OVCH1: variants seen among roughly 807,000 people sequenced by gnomAD.
OVCH1 encodes the protein ovochymase 1, also known as ovochymase-1.
Under a neutral mutation model 138.4 loss-of-function variants are expected in OVCH1, and 139 were observed. The observed-to-expected ratio is 1.00, with a 90% confidence interval of 0.87 to 1.16. OVCH1 has a LOEUF of 1.16. Ranked by LOEUF, OVCH1 falls within the 50% of genes most tolerant of loss-of-function variation. The pLI, the probability that OVCH1 is intolerant of heterozygous loss-of-function variation, is 0.00. For synonymous variants in OVCH1, 453 were observed against 467.8 expected, an observed-to-expected ratio of 0.97 and a Z score of 0.41; for missense variants, 1,367 against 1,357.9, an observed-to-expected ratio of 1.01 and a Z score of -0.11.
At chr12:29,440,774 A>G (rs1362432709) in intron 25 of OVCH1, 30 bp from the exon 26 acceptor site, 1 of 455,768 alleles carries the variant, frequency 2.2e-6, no homozygotes. Context: ...TTCTTAATGC[A>G]CTTACTTCTA....
chr12:29,486,151 A>G, intron 8 of OVCH1, 99 bp downstream of exon 8: 1 of 1,195,780 alleles, frequency 8.4e-7, no homozygotes, highest in Non-Finnish European at 1.2e-6. Flanking sequence ...AAAAATTTAA[A>G]TAAAACTCAG....
At chr12:29,413,671 C>CACACAG (rs1555140328) in intron 3 of OVCH1, among the ~76,000 whole-genome samples, 1 of 121,318 alleles carries the variant, frequency 8.2e-6, no homozygotes, top group Non-Finnish European at 1.8e-5. Flanking sequence ...TACACACATA[C>CACACAG]ACACACACAC....
Position 29,496,287 on chromosome 12 carries a change from G to T in OVCH1, c.184-9C>A, listed in dbSNP as rs927144782. ...TCTGATTTTAGGGAGACCTACCCAA[G>T]AAGAAAGTTACAAATGCAGCTAATA... On this transcript the variant is annotated splice_polypyrimidine_tract_variant and intron_variant, in intron 2 of 27. Coordinates refer to ENST00000318184, the Ensembl canonical transcript of OVCH1. 5 of 1,586,850 alleles carry T rather than the reference G, an allele frequency of 3.2e-6. No individual in the cohort carries two copies. In the African/African-American group the frequency reaches 6.7e-5, roughly 21 times the overall value.
At chr12:29,475,552 G>A (rs551342808) in intron 13 of OVCH1, among the ~76,000 whole-genome samples, 1 of 151,950 alleles carries the variant, frequency 6.6e-6, no homozygotes, top group East Asian at 1.9e-4. Context: ...GGTAACACTC[G>A]AAGTCACTTT....
intron 25 of OVCH1, 90 bp from the exon 26 acceptor site, chr12:29,440,834 G>A (rs1941466181): frequency 2.3e-6 from 1 of 431,198 alleles, no homozygotes; most frequent in African/African-American, 2.0e-5. Context: ...TTTAGCAATT[G>A]GATTTTTTAC....
At chr12:29,411,335 A>G (rs1347478874), downstream of OVCH1, among the ~76,000 whole-genome samples, 4 of 150,650 alleles carry the variant, frequency 2.7e-5, no homozygotes, top group African/African-American at 9.7e-5. Flanking sequence ...GCTTCGTTCC[A>G]TTGCTGGTGA....
intron 19 of OVCH1, among the ~76,000 whole-genome samples, chr12:29,459,607 G>C (rs1318137131): frequency 2.6e-5 from 4 of 152,046 alleles, no homozygotes; most frequent in Admixed American, 2.6e-4. Flanking sequence ...ATTTAATTCT[G>C]CATTTAAAAA....
At chr12:29,466,761 A>G (rs1436013509) in intron 16 of OVCH1, among the ~76,000 whole-genome samples, 1 of 152,114 alleles carries the variant, frequency 6.6e-6, no homozygotes, top group East Asian at 1.9e-4. Context: ...ATATCCATTA[A>G]TTTCTCGTAT....
rs1246043451 is a variant in OVCH1, at chr12:29,439,254, TTC to T, written c.3264+72_3264+73del. 7 of 1,285,750 alleles carry T rather than the reference TTC, an allele frequency of 5.4e-6. No individual in the cohort carries two copies. In the African/African-American group the frequency reaches 6.1e-5, roughly 11 times the overall value. The allele number at this position is 1,285,750 out of a possible 1,614,324, so 79.6% of individuals were successfully genotyped here. On this transcript the variant is annotated intron_variant, in intron 26 of 27. Coordinates refer to ENST00000318184, the Ensembl canonical transcript of OVCH1. ...AAGTCCTTTTCCTTTATTTTGTCACTTCTCTTATTTATTGTTCTTTTTGTTAA... is the reference window on the plus strand; with the variant it reads ...AAGTCCTTTTCCTTTATTTTGTCACTTCTTATTTATTGTTCTTTTTGTTAA...
Position 29,490,941 on chromosome 12 carries a change from C to A in OVCH1, c.550+156G>T, listed in dbSNP as rs537924350. Among the ~76,000 whole-genome samples the A allele has an allele frequency of 2.6e-5, 4 of 152,284 alleles. No homozygotes were observed. The South Asian group carries it at 6.2e-4, about 24-fold the overall frequency. ...TGAATAGCCTTTTTAAAAGTATAAG[C>A]CTTTCAATGCTGAGGACTACCAGAA... On this transcript the variant is annotated intron_variant, in intron 5 of 27. Transcript: ENST00000318184.
intron 8 of OVCH1, among the ~76,000 whole-genome samples, chr12:29,483,207 G>C (rs565864413): frequency 6.6e-6 from 1 of 152,130 alleles, no homozygotes; most frequent in East Asian, 1.9e-4. Flanking sequence ...GACAAATTCT[G>C]GCTTATCAAT....
intron 21 of OVCH1, among the ~76,000 whole-genome samples, chr12:29,454,618 C>A (rs1161464412): frequency 6.6e-6 from 1 of 152,086 alleles, no homozygotes; most frequent in African/African-American, 2.4e-5. Flanking sequence ...TGGTTCACAA[C>A]CACAAGATTT....
chr12:29,470,468 GT>G (rs1489064989), intron 16 of OVCH1, among the ~76,000 whole-genome samples: 1 of 152,066 alleles, frequency 6.6e-6, no homozygotes, highest in Non-Finnish European at 1.5e-5. Flanking sequence ...AACATGCATT[GT>G]TTGGTTTTCT....
intron 22 of OVCH1, among the ~76,000 whole-genome samples, chr12:29,450,439 A>C (rs1306400497): frequency 1.3e-5 from 2 of 152,228 alleles, no homozygotes; most frequent in African/African-American, 2.4e-5. Flanking sequence ...TAGTCATTAG[A>C]GAAATGCAAA....
At chr12:29,486,901 C>G (rs1449391526) in intron 7 of OVCH1, 2 of 455,584 alleles carry the variant, frequency 4.4e-6, no homozygotes, top group African/African-American at 4.0e-5. Flanking sequence ...CAAAATGGAA[C>G]ACAATTGCTA....
At chr12:29,491,295 C>A in intron 4 of OVCH1, 103 bp from the exon 5 acceptor site, 2 of 960,402 alleles carry the variant, frequency 2.1e-6, no homozygotes, top group Admixed American at 2.5e-5. Context: ...CACTTTCTTC[C>A]TAAATGTAAT....
rs546675805 is a variant in OVCH1, at chr12:29,491,711, AGTAACT to A, written c.455-525_455-520del. Reference sequence around the variant, plus strand: ...TATCCAAATCTTTAGAAAAAAGCCCAGTAACTCCAACTATGATGCAAAAAATAATTT... The same window carrying A: ...TATCCAAATCTTTAGAAAAAAGCCCACCAACTATGATGCAAAAAATAATTT... On this transcript the variant is annotated intron_variant, in intron 4 of 27. Coordinates refer to ENST00000318184, the Ensembl canonical transcript of OVCH1. 2.6e-3 allele frequency among the ~76,000 whole-genome samples: 398 copies of A among 152,346 alleles called. 9 individuals carry two copies. Among genetic ancestry groups the A allele is most frequent in the Middle Eastern group, 6.8e-3 (2 of 294 alleles).
At chr12:29,454,203 A>G in intron 21 of OVCH1, among the ~76,000 whole-genome samples, 1 of 152,036 alleles carries the variant, frequency 6.6e-6, no homozygotes, top group Non-Finnish European at 1.5e-5. Context: ...CTTCTACTCA[A>G]AGTCATCACT....
intron 27 of OVCH1, among the ~76,000 whole-genome samples, chr12:29,433,021 GT>G (rs1941296716): frequency 2.0e-5 from 3 of 152,198 alleles, no homozygotes; most frequent in Non-Finnish European, 4.4e-5. Flanking sequence ...AGGGGAGACA[GT>G]GAGTATAAAT....
Sources: gnomAD v4.1 joint callset for allele counts (sites outside exome capture counted in the v4.1 genomes callset) on GRCh38, gnomAD v4.1.1 for gene constraint, MANE v1.5 for transcripts, NCBI Gene and HGNC (gene_info 2026-07-23, HGNC 2026-07-21) for gene names.